Variants in RRBP1 observed in about 807,000 individuals in gnomAD.
The protein encoded by RRBP1 is ribosome-binding protein 1.
In RRBP1, 94 loss-of-function variants were observed where a neutral mutation model predicts 165.2. That is an observed-to-expected ratio of 0.57 (90% confidence interval 0.48 to 0.68). The LOEUF (loss-of-function observed/expected upper bound fraction) is 0.68. Among genes scored for constraint, RRBP1 ranks in the 30% least tolerant of loss-of-function variants. The probability of loss-of-function intolerance (pLI) is 0.00; values close to 1 mark genes in which losing one functional copy is unlikely to be tolerated. For missense variants in RRBP1, 1,676 were observed against 1,763.0 expected (o/e 0.95, Z 0.88); for synonymous variants, 680 against 714.5 (o/e 0.95, Z 0.77).
chr20:17,641,565 A>G (rs1443817162), intron 5 of RRBP1: 12 of 583,364 alleles, frequency 2.1e-5, no homozygotes, highest in Non-Finnish European at 3.4e-5. Context: ...GCGTTCTTAC[A>G]GCCACGAAGG....
intron 5 of RRBP1, among the ~76,000 whole-genome samples, chr20:17,639,470 A>G (rs2036306795): frequency 6.6e-6 from 1 of 152,230 alleles, no homozygotes; most frequent in Non-Finnish European, 1.5e-5. Flanking sequence ...AGAACAAGAA[A>G]CATAGGTTCC....
intron 12 of RRBP1, 151 bp downstream of exon 12, chr20:17,625,361 C>T (rs887379026): frequency 7.4e-6 from 5 of 679,272 alleles, no homozygotes; most frequent in African/African-American, 1.8e-5. Flanking sequence ...AAGCACCCCC[C>T]ACACCCTGGA....
At chr20:17,661,039 A>C (rs76424998) in intron 2 of RRBP1, among the ~76,000 whole-genome samples, 1,721 of 152,322 alleles carry the variant, frequency 0.011, 72 homozygotes, top group East Asian at 0.073. Flanking sequence ...GACACTTTTA[A>C]AAAATTTTTC....
intron 22 of RRBP1, 84 bp downstream of exon 22, chr20:17,615,842 C>A (rs1053794756): frequency 5.0e-6 from 6 of 1,204,864 alleles, no homozygotes; most frequent in Admixed American, 1.9e-5. Flanking sequence ...CACAGCCGAG[C>A]GGGGCAGGGC....
intron 1 of RRBP1, among the ~76,000 whole-genome samples, chr20:17,681,451 G>T (rs982162730): frequency 6.8e-6 from 1 of 146,828 alleles, no homozygotes; most frequent in African/African-American, 2.5e-5. Context: ...CCCGCGAAGC[G>T]CCAGCGGGCC....
intron 3 of RRBP1, among the ~76,000 whole-genome samples, chr20:17,649,484 T>C (rs986440005): frequency 6.6e-6 from 1 of 151,202 alleles, no homozygotes. Context: ...AAACTGCACA[T>C]CTGAACAAAC....
At chr20:17,641,241 C>T (rs1167328532) in intron 5 of RRBP1, among the ~76,000 whole-genome samples, 1 of 152,232 alleles carries the variant, frequency 6.6e-6, no homozygotes, top group Non-Finnish European at 1.5e-5. Flanking sequence ...ACCAACCCAC[C>T]ACCGTTTGCT....
chr20:17,679,658 T>TA (rs1313652665), intron 2 of RRBP1, among the ~76,000 whole-genome samples: 3 of 152,238 alleles, frequency 2.0e-5, no homozygotes, highest in African/African-American at 7.2e-5. Flanking sequence ...GCTATGTAAT[T>TA]ATTGCAGCCT....
chr20:17,652,439 C>T (rs1376079519), intron 3 of RRBP1, among the ~76,000 whole-genome samples: 3 of 152,178 alleles, frequency 2.0e-5, no homozygotes, highest in African/African-American at 7.2e-5. Flanking sequence ...AAGTCAAGGC[C>T]TCCTGGACTC....
intron 2 of RRBP1, among the ~76,000 whole-genome samples, chr20:17,673,699 T>C (rs1356444408): frequency 1.3e-5 from 2 of 152,176 alleles, no homozygotes; most frequent in Non-Finnish European, 2.9e-5. Flanking sequence ...TGAGCCACCA[T>C]GCCCGGCCCA....
chr20:17,625,953 C>A (rs1317010422), intron 11 of RRBP1, among the ~76,000 whole-genome samples: 22 of 152,226 alleles, frequency 1.4e-4, no homozygotes, highest in Non-Finnish European at 2.9e-5. Context: ...TGACAGCCTC[C>A]GCCGGCAAAT....
chr20:17,633,411 C>T, intron 8 of RRBP1, 49 bp downstream of exon 8: 1 of 1,586,114 alleles, frequency 6.3e-7, no homozygotes, highest in Non-Finnish European at 8.6e-7. Context: ...TGCAGACAGG[C>T]TTGCTGGGCA....
chr20:17,653,986 T>TG (rs2036603957), intron 3 of RRBP1, among the ~76,000 whole-genome samples: 1 of 152,150 alleles, frequency 6.6e-6, no homozygotes, highest in Admixed American at 6.5e-5. Context: ...AAAAGCACAC[T>TG]GCACAGTTAA....
rs1238245570 is a variant in RRBP1, at chr20:17,614,797, C to G, written c.4134G>C (p.Gln1378His). The change falls in exon 24 of 25, where the codon CAG (glutamine) becomes CAC (histidine). Residue 1378 changes from glutamine (Q) to histidine (H), a missense_variant. Transcript: ENST00000377813. Reference protein sequence around the residue: ...TRLQELLKTTQEQLAREKDTV... With the variant: ...TRLQELLKTTHEQLAREKDTV... ...TGTCCTTCTCCCTTGCCAGCTGCTC[C>G]TGGGTCGTCTTCAGAAGCTCCTGCA... The G allele has an allele frequency of 6.2e-7, 1 of 1,613,898 alleles. No homozygotes were observed.
intron 13 of RRBP1, 92 bp downstream of exon 13, chr20:17,624,484 T>G (rs2122275515): frequency 1.2e-6 from 1 of 830,920 alleles, no homozygotes; most frequent in East Asian, 2.7e-5. Context: ...TCCTAGAGCA[T>G]CTGGTGTCCT....
rs1321837998 is a variant in RRBP1 at position 17,641,881 on chromosome 20, G to C, written c.2100C>G (p.Arg700=). ...QKGDPVAILK[R]QLEEKEKLLA... is the part of the protein sequence containing the mutation. ...GCAGTTTTTCCTTCTCTTCCAGCTGGCGTTTCAGAATCGCCACAGGGTCAC... is the reference window on the plus strand; with the variant it reads ...GCAGTTTTTCCTTCTCTTCCAGCTGCCGTTTCAGAATCGCCACAGGGTCAC... Residue 700 remains arginine (R), a synonymous_variant, in exon 5 of 25, where the codon CGC becomes CGG. Transcript: ENST00000377813. The C allele has an allele frequency of 1.2e-6, 2 of 1,614,094 alleles. No homozygotes were observed. Among genetic ancestry groups the C allele is most frequent in the South Asian group, 2.2e-5 (2 of 91,084 alleles).
chr20:17,617,193 C>T (rs553748451), intron 20 of RRBP1, among the ~76,000 whole-genome samples: 3 of 152,364 alleles, frequency 2.0e-5, no homozygotes, highest in Non-Finnish European at 4.4e-5. Flanking sequence ...CCCGTTTCTC[C>T]TTCAAGGATG....
At chr20:17,651,611 G>A (rs893007476) in intron 3 of RRBP1, among the ~76,000 whole-genome samples, 19 of 152,226 alleles carry the variant, frequency 1.2e-4, no homozygotes, top group African/African-American at 4.6e-4. Flanking sequence ...GCTCCCGTTT[G>A]TGGGTGCCCA....
Position 17,635,652 on chromosome 20 carries a change from G to C in RRBP1, c.2350C>G (p.Gln784Glu). The C allele has an allele frequency of 6.2e-7, 1 of 1,613,204 alleles. No homozygotes were observed. Among genetic ancestry groups the C allele is most frequent in the Non-Finnish European group, 8.5e-7 (1 of 1,179,756 alleles). The change falls in exon 7 of 25, where the codon CAG becomes GAG. Residue 784 changes from glutamine (Q) to glutamate (E), a missense_variant. Coordinates refer to ENST00000377813, the MANE Select transcript of RRBP1 (RefSeq NM_001365613.2). ...TTGGGGCCATTCTCCAGCTGCTCCT[G>C]AAGAGTCCGGATCTGGAAAGTCACG... ...QQLQGKIRTLQEQLENGPNTQ... is the reference protein window; with the variant it reads ...QQLQGKIRTLEEQLENGPNTQ...
Sources: allele counts gnomAD v4.1 joint callset (sites outside exome capture counted in the v4.1 genomes callset), GRCh38; gene constraint gnomAD v4.1.1; transcripts MANE v1.5; gene names NCBI Gene and HGNC (gene_info 2026-07-23, HGNC 2026-07-21).